Variants in RFX4 observed in about 807,000 individuals in gnomAD.
The protein encoded by RFX4 is regulatory factor X4.
In RFX4, 10 loss-of-function variants were observed where a neutral mutation model predicts 95.0. The ratio of observed to expected loss-of-function variants is 0.11; its 90% CI spans 0.06 to 0.18. The LOEUF (loss-of-function observed/expected upper bound fraction) is 0.18. RFX4 is among the 10% of genes least tolerant of loss of function. RFX4 has a pLI of 1.00. For synonymous variants in RFX4, 321 were observed against 340.7 expected (o/e 0.94, Z 0.64); for missense variants, 640 against 922.0 (o/e 0.69, Z 3.96).
chr12:106,674,334 C>T (rs1215609466), intron 4 of RFX4, among the ~76,000 whole-genome samples: 1 of 144,880 alleles, frequency 6.9e-6, no homozygotes, highest in Non-Finnish European at 1.5e-5. Flanking sequence ...CATTTTCTTT[C>T]TTTTTTTTTT....
chr12:106,662,698 T>A (rs144409377), intron 4 of RFX4, among the ~76,000 whole-genome samples: 90 of 152,314 alleles, frequency 5.9e-4, no homozygotes, highest in African/African-American at 2.0e-3. Context: ...GTTTTGTGTT[T>A]TACTTAGATC....
intron 2 of RFX4, among the ~76,000 whole-genome samples, chr12:106,627,147 TC>T (rs976918706): frequency 3.3e-5 from 5 of 152,190 alleles, no homozygotes; most frequent in Admixed American, 6.5e-5. Flanking sequence ...ACAGAGGATA[TC>T]TATAGCAAAT....
At chr12:106,705,461 G>A (rs2042065870) in intron 8 of RFX4, among the ~76,000 whole-genome samples, 2 of 151,968 alleles carry the variant, frequency 1.3e-5, no homozygotes, top group Admixed American at 1.3e-4. Context: ...AGCGGAGGAA[G>A]GAGGTCGAGC....
In RFX4 at chr12:106,654,321, C is replaced by A; in HGVS notation, c.285C>A (p.Thr95=). The A allele has an allele frequency of 6.2e-7, 1 of 1,614,018 alleles. No individual in the cohort carries two copies. The highest frequency in any genetic ancestry group is 8.5e-7 in the Non-Finnish European group (1 of 1,179,948). The change falls in exon 4 of 18, where the codon ACC becomes ACA. Residue 95 remains threonine (T), a synonymous_variant. Coordinates refer to ENST00000392842, the MANE Select transcript of RFX4 (RefSeq NM_213594.3). ...HYLDFCEKND[T]QPVNAASFGK... ...TGGATTTCTGCGAGAAGAATGATAC[C>A]CAACCTGTCAATGCTGCCAGCTTTG...
At chr12:106,651,769 G>A (rs1411506559) in intron 3 of RFX4, among the ~76,000 whole-genome samples, 1 of 152,164 alleles carries the variant, frequency 6.6e-6, no homozygotes, top group Non-Finnish European at 1.5e-5. Flanking sequence ...GCCAATTGTT[G>A]TCGTGCGGGA....
chr12:106,754,381 T>G (rs897799365), intron 17 of RFX4, among the ~76,000 whole-genome samples: 1 of 152,232 alleles, frequency 6.6e-6, no homozygotes, highest in African/African-American at 2.4e-5. Context: ...AATTTATTTC[T>G]CAAATGGCTC....
chr12:106,620,235 C>A (rs1041217379), intron 2 of RFX4, among the ~76,000 whole-genome samples: 1 of 152,104 alleles, frequency 6.6e-6, no homozygotes, highest in Non-Finnish European at 1.5e-5. Flanking sequence ...AGGATGTTAG[C>A]TTTCTCCAAC....
chr12:106,755,581 C>T (rs867463458), intron 17 of RFX4, among the ~76,000 whole-genome samples: 1 of 152,204 alleles, frequency 6.6e-6, no homozygotes, highest in African/African-American at 2.4e-5. Context: ...GTTACTGCTG[C>T]TATTCTCAGT....
At chr12:106,644,839 T>TGCCCTCTCTCAGCG (rs1344773784) in intron 3 of RFX4, among the ~76,000 whole-genome samples, 2 of 152,216 alleles carry the variant, frequency 1.3e-5, no homozygotes, top group African/African-American at 4.8e-5. Context: ...CTTCATGCTG[T>TGCCCTCTCTCAGCG]GCCCTCTCTC....
chr12:106,605,423 T>A (rs2039808986), intron 1 of RFX4, among the ~76,000 whole-genome samples: 1 of 152,162 alleles, frequency 6.6e-6, no homozygotes, highest in Non-Finnish European at 1.5e-5. Flanking sequence ...AGGGAAGAAG[T>A]CAGAGGTCAA....
intron 8 of RFX4, among the ~76,000 whole-genome samples, chr12:106,697,979 A>T (rs183591130): frequency 0.013 from 1,904 of 148,134 alleles, 34 homozygotes; most frequent in African/African-American, 0.041. Context: ...TATTATTATT[A>T]TTTTTTTTTT....
chr12:106,611,433 A>T, intron 2 of RFX4, among the ~76,000 whole-genome samples: 1 of 150,940 alleles, frequency 6.6e-6, no homozygotes, highest in African/African-American at 2.4e-5. Flanking sequence ...AGAGTTTTAC[A>T]GTTTTAGACC....
Position 106,608,893 on chromosome 12 carries a change from T to C in RFX4, c.130+10T>C. Reference sequence around the variant, plus strand: ...GTTTCTAATGATGAAAGTAAGTGCTTGAAACTCATTCTTCCATGACATCCC... The same window carrying C: ...GTTTCTAATGATGAAAGTAAGTGCTCGAAACTCATTCTTCCATGACATCCC... On this transcript the variant is annotated intron_variant, in intron 2 of 17. Coordinates refer to ENST00000392842, the MANE Select transcript of RFX4 (RefSeq NM_213594.3). 6.2e-7 allele frequency: 1 copy of C among 1,606,084 alleles called. No individual in the cohort carries two copies. Among genetic ancestry groups the C allele is most frequent in the South Asian group, 1.1e-5 (1 of 88,336 alleles).
At chr12:106,697,258 T>C (rs1018726321) in intron 8 of RFX4, among the ~76,000 whole-genome samples, 2 of 152,130 alleles carry the variant, frequency 1.3e-5, no homozygotes, top group Non-Finnish European at 2.9e-5. Flanking sequence ...CCCACCCATT[T>C]AGAGTGGCAC....
intron 17 of RFX4, among the ~76,000 whole-genome samples, chr12:106,757,384 C>A (rs903682765): frequency 1.3e-5 from 2 of 151,906 alleles, no homozygotes. Context: ...CTCACCTCTA[C>A]AAAAAATTTA....
At position 106,720,075 on chromosome 12, in the gene RFX4, C is replaced by T. The variant is rs556296652; in HGVS notation, c.1233+21C>T. On this transcript the variant is annotated intron_variant, in intron 12 of 17. Coordinates refer to ENST00000392842, the MANE Select transcript of RFX4 (RefSeq NM_213594.3). The surrounding 1 kb of genome is among the most constrained non-coding windows in gnomAD (Gnocchi z 4.2). The stretch of plus-strand genomic sequence containing the variant: ...TGAAGGTTGGTAAACCGGCACCTAG[C>T]GGGCAGCCTTGGGCCCTGCAGCCCA... 1.6e-4 allele frequency: 255 copies of T among 1,606,806 alleles called. No homozygotes were observed. The highest frequency in any genetic ancestry group is 1.6e-3 in the Middle Eastern group (9 of 5,736).
Position 106,762,782 on chromosome 12 carries a change from C to G in RFX4, c.*1313C>G, listed in dbSNP as rs930492773. 7.6e-6 allele frequency: 1 copy of G among 131,478 alleles called. No homozygotes were observed. Among genetic ancestry groups the G allele is most frequent in the Non-Finnish European group, 1.5e-5 (1 of 64,990 alleles). 8.1% of individuals were successfully genotyped at this position (131,478 alleles called of 1,614,324 possible). On this transcript the variant is annotated 3_prime_UTR_variant, in exon 18 of 18. Coordinates refer to ENST00000392842, the MANE Select transcript of RFX4 (RefSeq NM_213594.3). ...TGCAAGATATGAATGGTTTCACACT[C>G]AAATAAAAAATATTGAAACGACCTG... is the stretch of plus-strand genomic sequence containing the variant.
In RFX4 at chr12:106,720,939, G is replaced by A. The variant is rs1041891557; in HGVS notation, c.1351+63G>A. 8 of 1,402,958 alleles carry A rather than the reference G, an allele frequency of 5.7e-6. No individual in the cohort carries two copies. Among genetic ancestry groups the A allele is most frequent in the Non-Finnish European group, 8.1e-6 (8 of 990,312 alleles). The allele number at this position is 1,402,958 out of a possible 1,614,324, so 86.9% of individuals were successfully genotyped here. On this transcript the variant is annotated intron_variant, in intron 13 of 17. Transcript: ENST00000392842. The surrounding 1 kb of genome is among the most constrained non-coding windows in gnomAD (Gnocchi z 4.2). The stretch of plus-strand genomic sequence containing the variant: ...TTTCCTCTGGGCACGGAGCCCAGAG[G>A]AATCTACCACAGTCTAACTTGCTGT...
intron 7 of RFX4, among the ~76,000 whole-genome samples, chr12:106,690,733 A>T (rs2041763384): frequency 6.6e-6 from 1 of 152,190 alleles, no homozygotes; most frequent in African/African-American, 2.4e-5. Context: ...ACTTCTGCCC[A>T]TATTCCATGG....
Sources: allele counts gnomAD v4.1 joint callset (sites outside exome capture counted in the v4.1 genomes callset), GRCh38; gene constraint gnomAD v4.1.1; non-coding constraint Gnocchi (gnomAD v3.1); transcripts MANE v1.5; gene names NCBI Gene and HGNC (gene_info 2026-07-23, HGNC 2026-07-21).